DNAH8: variants seen among roughly 807,000 people sequenced by gnomAD.
DNAH8 encodes dynein axonemal heavy chain 8.
DNAH8 carries 382 observed loss-of-function variants against 562.1 expected under a neutral mutation model. That is an observed-to-expected ratio of 0.68 (90% CI 0.63 to 0.74). The LOEUF (loss-of-function observed/expected upper bound fraction) is 0.74. Among genes scored for constraint, DNAH8 ranks in the 30% least tolerant of loss-of-function variants. DNAH8 has a pLI of 0.00. For missense variants in DNAH8, 5,203 were observed against 5,620.4 expected, an observed-to-expected ratio of 0.93 and a Z score of 2.37; for synonymous variants, 1,881 against 1,919.4, an observed-to-expected ratio of 0.98 and a Z score of 0.52.
At chr6:38,920,924 T>C (rs550402100) in intron 70 of DNAH8, among the ~76,000 whole-genome samples, 1 of 152,322 alleles carries the variant, frequency 6.6e-6, no homozygotes, top group South Asian at 2.1e-4. Context: ...AGGGTCTCAC[T>C]CTGTCGCCCA....
intron 43 of DNAH8, among the ~76,000 whole-genome samples, chr6:38,861,835 C>T (rs972723650): frequency 1.3e-5 from 2 of 152,126 alleles, no homozygotes; most frequent in Non-Finnish European, 2.9e-5. Context: ...CCCAGCCTTA[C>T]CTGGTTTCTG....
At chr6:38,722,291 T>G (rs941838284) in intron 1 of DNAH8, among the ~76,000 whole-genome samples, 2 of 152,224 alleles carry the variant, frequency 1.3e-5, no homozygotes, top group African/African-American at 4.8e-5. Flanking sequence ...GTCTGATTAA[T>G]GAACTGTATT....
At chr6:38,716,944 T>C (rs970627184) in intron 1 of DNAH8, 1 of 152,204 alleles carries the variant, frequency 6.6e-6, no homozygotes, top group Non-Finnish European at 1.5e-5. Context: ...AGAAGTTCAC[T>C]GAATCCTTAA....
chr6:38,963,680 CT>C (rs778971367), intron 82 of DNAH8, among the ~76,000 whole-genome samples: 15,270 of 61,154 alleles, frequency 0.25, 533 homozygotes, highest in African/African-American at 0.29. Flanking sequence ...AAAGTCCATT[CT>C]TTTTTTTTTT....
intron 78 of DNAH8, 41 bp downstream of exon 78, chr6:38,938,267 A>G (rs1442503585): frequency 6.4e-7 from 1 of 1,568,856 alleles, no homozygotes; most frequent in Non-Finnish European, 8.6e-7. Context: ...GTGACTTAAA[A>G]GTTTGCTTGT....
chr6:38,902,921 T>C (rs1283893548), intron 62 of DNAH8, among the ~76,000 whole-genome samples: 1 of 152,214 alleles, frequency 6.6e-6, no homozygotes, highest in East Asian at 1.9e-4. Flanking sequence ...ATGATGGTGG[T>C]CACATGAGAT....
At chr6:38,861,451 A>T (rs1443906743) in intron 43 of DNAH8, among the ~76,000 whole-genome samples, 4 of 152,218 alleles carry the variant, frequency 2.6e-5, no homozygotes, top group African/African-American at 9.6e-5. Flanking sequence ...GATTTATTAT[A>T]TTAGTATTCT....
intron 21 of DNAH8, 139 bp downstream of exon 21, chr6:38,791,813 T>C: frequency 1.2e-6 from 1 of 821,188 alleles, no homozygotes; most frequent in Non-Finnish European, 1.8e-6. Context: ...CATTCTCTGC[T>C]CCAAGGACTT....
At chr6:38,777,778 TAG>T (rs1362716414) in intron 13 of DNAH8, among the ~76,000 whole-genome samples, 1 of 152,162 alleles carries the variant, frequency 6.6e-6, no homozygotes, top group Non-Finnish European at 1.5e-5. Context: ...TGTACGTCCT[TAG>T]CAGTGGCAAA....
chr6:38,778,604 C>CT, intron 14 of DNAH8, 140 bp downstream of exon 14: 1 of 513,822 alleles, frequency 1.9e-6, no homozygotes, highest in East Asian at 3.2e-5. Context: ...TCAATTACCA[C>CT]TAAATAGACT....
intron 32 of DNAH8, among the ~76,000 whole-genome samples, chr6:38,836,258 A>T (rs555222044): frequency 2.2e-4 from 34 of 152,218 alleles, no homozygotes; most frequent in African/African-American, 8.2e-4. Context: ...CAACTGGGAC[A>T]TTATGTGCCA....
intron 79 of DNAH8, among the ~76,000 whole-genome samples, 191 bp from the exon 80 acceptor site, chr6:38,945,276 A>G (rs1761306113): frequency 6.6e-6 from 1 of 152,220 alleles, no homozygotes; most frequent in Admixed American, 6.5e-5. Flanking sequence ...GATGGTATAA[A>G]TCAGTAAATA....
At chr6:38,876,118 G>T (rs774633306) in intron 53 of DNAH8, among the ~76,000 whole-genome samples, 1 of 152,194 alleles carries the variant, frequency 6.6e-6, no homozygotes, top group Non-Finnish European at 1.5e-5. Context: ...GCTGGAATAG[G>T]AAAGGTAGCA....
rs775009997 is a variant in DNAH8, at chr6:38,853,194, T to G, written c.5580T>G (p.Asn1860Lys). The G allele has an allele frequency of 5.6e-6, 9 of 1,598,892 alleles. No individual in the cohort carries two copies. The highest frequency in any genetic ancestry group is 7.7e-6 in the Non-Finnish European group (9 of 1,175,814). Reference protein sequence around the residue: ...SREGEKIVLDNSVMAKGPVEI... With the variant: ...SREGEKIVLDKSVMAKGPVEI... ...TTGTAATTTTGTTTTAGTTGGATAATTCTGTTATGGCCAAAGGTCCTGTGG... is the reference window on the plus strand; with the variant it reads ...TTGTAATTTTGTTTTAGTTGGATAAGTCTGTTATGGCCAAAGGTCCTGTGG... The change falls in exon 41 of 93, where the codon AAT becomes AAG. Residue 1860 changes from asparagine to lysine, a missense_variant. By Grantham distance (94) the Asn-to-Lys change is moderately conservative. Transcript: ENST00000327475.
At chr6:38,728,295 C>G (rs1430015275) in intron 3 of DNAH8, among the ~76,000 whole-genome samples, 9 of 135,192 alleles carry the variant, frequency 6.7e-5, no homozygotes, top group Non-Finnish European at 1.2e-4. Context: ...CCTTAATTTT[C>G]TCTTCTGCAA....
intron 80 of DNAH8, among the ~76,000 whole-genome samples, chr6:38,947,217 C>A (rs1044602024): frequency 6.6e-5 from 10 of 152,136 alleles, no homozygotes; most frequent in Non-Finnish European, 7.4e-5. Context: ...ACCGATTGGG[C>A]CAGAAGTGGG....
At chr6:39,026,191 G>A (rs138596017) in intron 91 of DNAH8, among the ~76,000 whole-genome samples, 38 of 152,294 alleles carry the variant, frequency 2.5e-4, no homozygotes, top group East Asian at 7.7e-4. Flanking sequence ...TCACCATTCC[G>A]ATCTTATTCC....
At chr6:38,900,019 T>C in intron 62 of DNAH8, 113 bp downstream of exon 62, 1 of 911,632 alleles carries the variant, frequency 1.1e-6, no homozygotes, top group Non-Finnish European at 1.6e-6. Context: ...AGGTAAACTT[T>C]AAGTATTATA....
At position 38,875,742 on chromosome 6, in the gene DNAH8, T is replaced by TA. The variant is rs780235323; in HGVS notation, c.7773dup (p.Arg2592ThrfsTer4). On this transcript the variant is annotated frameshift_variant, in exon 53 of 93. Transcript: ENST00000327475. LOFTEE classifies it high-confidence loss of function. ...AGCAGAGAAAAGCTTGAAGCCTTCT[T>TA]ACGGCAGCATGAAAGCAAGTTGGAC... is the stretch of plus-strand genomic sequence containing the variant. The TA allele has an allele frequency of 6.2e-7, 1 of 1,613,984 alleles. No individual in the cohort carries two copies. The highest frequency in any genetic ancestry group is 1.3e-5 in the African/African-American group (1 of 75,014).
Sources: gnomAD v4.1 joint callset for allele counts (sites outside exome capture counted in the v4.1 genomes callset) on GRCh38, gnomAD v4.1.1 for gene constraint, MANE v1.5 for transcripts, NCBI Gene and HGNC (gene_info 2026-07-23, HGNC 2026-07-21) for gene names.